ITGA11: variants seen among roughly 807,000 people sequenced by gnomAD.
ITGA11 encodes integrin alpha-11.
A neutral mutation model predicts 141.9 loss-of-function variants in ITGA11; 97 were observed. The observed-to-expected ratio is 0.68, with a 90% CI of 0.58 to 0.81. The LOEUF is 0.81. Among genes scored for constraint, ITGA11 ranks in the 30% least tolerant of loss-of-function variants. ITGA11 has a pLI of 0.00. For missense variants in ITGA11, 1,387 were observed against 1,559.2 expected (o/e 0.89, Z 1.86); for synonymous variants, 658 against 624.6 (o/e 1.05, Z -0.80).
At chr15:68,311,242 G>T (rs1567122773) in intron 25 of ITGA11, 48 bp downstream of exon 25, 3 of 1,366,006 alleles carry the variant, frequency 2.2e-6, no homozygotes, top group South Asian at 1.2e-5. Context: ...GGGAGTGTCT[G>T]TCTCCTTCTG....
At chr15:68,360,012 T>G (rs1895191891) in intron 5 of ITGA11, among the ~76,000 whole-genome samples, 1 of 151,816 alleles carries the variant, frequency 6.6e-6, no homozygotes, top group Non-Finnish European at 1.5e-5. Flanking sequence ...TGGCTTTGAG[T>G]TGGGACGCCT....
At chr15:68,375,756 T>A (rs963455227) in intron 2 of ITGA11, among the ~76,000 whole-genome samples, 3 of 152,206 alleles carry the variant, frequency 2.0e-5, no homozygotes, top group African/African-American at 7.2e-5. Flanking sequence ...ATATACATGA[T>A]GATTAATTTT....
intron 9 of ITGA11, 112 bp downstream of exon 9, chr15:68,350,505 C>T (rs764846183): frequency 4.0e-5 from 42 of 1,041,762 alleles, no homozygotes; most frequent in Middle Eastern, 3.3e-4. Context: ...TTTATTATTA[C>T]GGAAGACTCT....
At chr15:68,331,150 T>C in intron 14 of ITGA11, 39 bp from the exon 15 acceptor site, 1 of 1,514,110 alleles carries the variant, frequency 6.6e-7, no homozygotes, top group Non-Finnish European at 8.9e-7. Context: ...GCATGCACAC[T>C]GTGAGTGTGG....
In ITGA11 at chr15:68,402,937, C is replaced by A. The variant is rs749922264; in HGVS notation, c.145G>T (p.Asp49Tyr). 6.2e-7 allele frequency: 1 copy of A among 1,613,140 alleles called. No homozygotes were observed. Among genetic ancestry groups the A allele is most frequent in the South Asian group, 1.1e-5 (1 of 90,948 alleles). Residue 49 changes from aspartate to tyrosine, a missense_variant, in exon 2 of 30, where the codon GAC becomes TAC. By Grantham distance (160) the Asp-to-Tyr change is radical. Coordinates refer to ENST00000315757, the MANE Select transcript of ITGA11 (RefSeq NM_001004439.2). The part of the protein sequence containing the change: ...AFFGYTVQQH[D>Y]ISGNKWLVVG... ...ACTCACCACTTATTGCCACTGATGT[C>A]GTGCTGCTGCACTGTGTAGCCAAAG...
At chr15:68,338,092 C>T (rs1475823826) in intron 11 of ITGA11, among the ~76,000 whole-genome samples, 1 of 152,238 alleles carries the variant, frequency 6.6e-6, no homozygotes, top group East Asian at 1.9e-4. Context: ...TGTTTAATGC[C>T]TCGAGGCACC....
chr15:68,307,496 C>T lies in ITGA11; in HGVS notation c.3286-53G>A. ...CTGGCTTGGAAGCTTTTCTTCCCGT[C>T]CCCTCCCCAGGCAGCCCCAGGTGGA... is the stretch of plus-strand genomic sequence containing the variant. On this transcript the variant is annotated intron_variant, in intron 27 of 29. Transcript: ENST00000315757. The surrounding 1 kb of genome is among the most constrained non-coding windows in gnomAD (Gnocchi z 6.1). The T allele has an allele frequency of 6.6e-7, 1 of 1,521,868 alleles. No individual in the cohort carries two copies. The highest frequency in any genetic ancestry group is 8.9e-7 in the Non-Finnish European group (1 of 1,118,226). The allele number at this position is 1,521,868 out of a possible 1,614,324, so 94.3% of individuals were successfully genotyped here.
At chr15:68,316,577 A>G (rs1893585039) in intron 21 of ITGA11, among the ~76,000 whole-genome samples, 1 of 152,092 alleles carries the variant, frequency 6.6e-6, no homozygotes, top group Non-Finnish European at 1.5e-5. Context: ...ATATCTCACC[A>G]GGGAGGTGCT....
intron 1 of ITGA11, among the ~76,000 whole-genome samples, chr15:68,430,364 T>C (rs1419789994): frequency 1.3e-5 from 2 of 152,210 alleles, no homozygotes; most frequent in Non-Finnish European, 2.9e-5. Flanking sequence ...ACGGAATTTG[T>C]GTCTCCATTC....
rs190163005 is a variant in ITGA11, at chr15:68,356,323, C to T, written c.749+828G>A. On this transcript the variant is annotated intron_variant, in intron 7 of 29. Coordinates refer to ENST00000315757, the MANE Select transcript of ITGA11 (RefSeq NM_001004439.2). ...TTCACCGTGTTGCCCAGGCTGGTCT[C>T]GAACTCCTGAGCTCAGGCAATCTGC... is the stretch of plus-strand genomic sequence containing the variant. Among the ~76,000 whole-genome samples, 24 of 151,448 alleles carry T rather than the reference C, an allele frequency of 1.6e-4. 1 individual carries two copies. The highest frequency in any genetic ancestry group is 1.2e-3 in the Admixed American group (18 of 15,218).
intron 2 of ITGA11, among the ~76,000 whole-genome samples, chr15:68,398,631 A>T (rs1487528691): frequency 6.8e-6 from 1 of 148,114 alleles, no homozygotes; most frequent in Non-Finnish European, 1.5e-5. Flanking sequence ...TTTATGGTAT[A>T]AAATGAATAG....
At chr15:68,384,264 TA>T (rs61654399) in intron 2 of ITGA11, among the ~76,000 whole-genome samples, 178 of 132,572 alleles carry the variant, frequency 1.3e-3, no homozygotes, top group Non-Finnish European at 1.6e-3. Flanking sequence ...GGTTTGGCAT[TA>T]AAAAAAAAAA....
chr15:68,311,861 C>A (rs1893399334), intron 24 of ITGA11, among the ~76,000 whole-genome samples: 1 of 152,152 alleles, frequency 6.6e-6, no homozygotes, highest in Non-Finnish European at 1.5e-5. Flanking sequence ...TCTAGCAGTG[C>A]CACATTCAGT....
intron 1 of ITGA11, among the ~76,000 whole-genome samples, chr15:68,414,764 C>T (rs1343955699): frequency 3.9e-5 from 6 of 152,132 alleles, no homozygotes; most frequent in Non-Finnish European, 8.8e-5. Context: ...GAGGTCATTC[C>T]CTCCTTCCCC....
At chr15:68,386,554 A>T (rs1395667067) in intron 2 of ITGA11, among the ~76,000 whole-genome samples, 1 of 152,164 alleles carries the variant, frequency 6.6e-6, no homozygotes, top group Admixed American at 6.5e-5. Flanking sequence ...AGTGAGGCTT[A>T]AAATGCTCCC....
In ITGA11 at chr15:68,432,049, GC is replaced by G. The variant is rs1339337200; in HGVS notation, c.17del (p.Gly6AlafsTer73). On this transcript the variant is annotated frameshift_variant, in exon 1 of 30. Transcript: ENST00000315757. LOFTEE classifies it high-confidence loss of function. MDLPR[G>X]LVVAWALSLW... ...GGCTGAGCGCCCAGGCCACCACCAG[GC>G]CCCTGGGCAGGTCCATGGCCCGCGG... The G allele has an allele frequency of 1.5e-6, 2 of 1,349,764 alleles. No homozygotes were observed. The highest frequency in any genetic ancestry group is 2.1e-5 in the South Asian group (1 of 47,698). The allele number at this position is 1,349,764 out of a possible 1,614,324, so 83.6% of individuals were successfully genotyped here.
In ITGA11 at chr15:68,392,845, C is replaced by T. The variant is rs192841294; in HGVS notation, c.164+10073G>A. On this transcript the variant is annotated intron_variant, in intron 2 of 29. Transcript: ENST00000315757. ...ACATCCACAATATTCACAATATTTA[C>T]AAAATGAGTAAATAATCAGGAAAAA... is the stretch of plus-strand genomic sequence containing the variant. Among the ~76,000 whole-genome samples, 170 of 152,116 alleles carry T rather than the reference C, an allele frequency of 1.1e-3. 1 individual carries two copies. The highest frequency in any genetic ancestry group is 2.1e-3 in the Non-Finnish European group (145 of 68,004).
At chr15:68,393,485 A>G (rs546908235) in intron 2 of ITGA11, among the ~76,000 whole-genome samples, 9 of 152,316 alleles carry the variant, frequency 5.9e-5, no homozygotes, top group Admixed American at 4.6e-4. Context: ...AGAAAATGAC[A>G]TATTACATTC....
chr15:68,418,898 T>A (rs559421159), intron 1 of ITGA11, among the ~76,000 whole-genome samples: 3 of 151,732 alleles, frequency 2.0e-5, no homozygotes, highest in Admixed American at 6.6e-5. Flanking sequence ...TTGGGCAAAA[T>A]AAGAGCAAGA....
Sources: gnomAD v4.1 joint callset for allele counts (sites outside exome capture counted in the v4.1 genomes callset) on GRCh38, gnomAD v4.1.1 for gene constraint, Gnocchi (gnomAD v3.1) non-coding constraint, MANE v1.5 for transcripts, NCBI Gene and HGNC (gene_info 2026-07-23, HGNC 2026-07-21) for gene names.